Variants in SORCS3 observed in about 807,000 individuals in gnomAD.
SORCS3 encodes VPS10 domain-containing receptor SorCS3.
In SORCS3, 57 loss-of-function variants were observed where a neutral mutation model predicts 146.3. The observed-to-expected ratio is 0.39, with a 90% CI of 0.31 to 0.49. The LOEUF (loss-of-function observed/expected upper bound fraction) is 0.49, where lower values mean the gene tolerates loss of function less well. Among genes scored for constraint, SORCS3 ranks in the 20% least tolerant of loss-of-function variants. SORCS3 has a pLI of 0.92. For missense variants in SORCS3, 1,341 were observed against 1,575.5 expected, an observed-to-expected ratio of 0.85 and a Z score of 2.52; for synonymous variants, 653 against 618.5, an observed-to-expected ratio of 1.06 and a Z score of -0.83.
At chr10:104,874,826 A>G (rs1036765213) in intron 2 of SORCS3, among the ~76,000 whole-genome samples, 1 of 152,122 alleles carries the variant, frequency 6.6e-6, no homozygotes, top group Non-Finnish European at 1.5e-5. Context: ...CTTCTCTATC[A>G]ATATTAGAAA....
At chr10:104,799,890 A>G (rs1416246353) in intron 1 of SORCS3, among the ~76,000 whole-genome samples, 5 of 151,906 alleles carry the variant, frequency 3.3e-5, no homozygotes, top group Admixed American at 3.3e-4. Context: ...GTTAGCCAGG[A>G]TGGTCTTGAT....
intron 1 of SORCS3, among the ~76,000 whole-genome samples, chr10:104,669,127 G>T (rs1490332806): frequency 6.6e-6 from 1 of 151,932 alleles, no homozygotes; most frequent in African/African-American, 2.4e-5. Context: ...TATAGAAGGG[G>T]AAAGGGTAGT....
chr10:104,817,118 G>A (rs1384569317), intron 1 of SORCS3, among the ~76,000 whole-genome samples: 8 of 152,090 alleles, frequency 5.3e-5, no homozygotes, highest in Non-Finnish European at 7.4e-5. Context: ...ACTTGGAAGC[G>A]GTGGATCTAC....
At chr10:105,067,035 C>T (rs1389161488) in intron 5 of SORCS3, among the ~76,000 whole-genome samples, 1 of 152,170 alleles carries the variant, frequency 6.6e-6, no homozygotes, top group African/African-American at 2.4e-5. Context: ...CTCTTCCCAG[C>T]TGTTAGGGGT....
intron 7 of SORCS3, 36 bp from the exon 8 acceptor site, chr10:105,139,361 C>G (rs1042708485): frequency 1.9e-5 from 28 of 1,496,700 alleles, no homozygotes; most frequent in Non-Finnish European, 2.6e-5. Flanking sequence ...GATCTGTGGC[C>G]TCATCTGATC....
Position 105,202,077 on chromosome 10 carries a change from C to T in SORCS3, c.2261+824C>T, listed in dbSNP as rs577006052. Among the ~76,000 whole-genome samples, 3 of 152,276 alleles carry T rather than the reference C, an allele frequency of 2.0e-5. No individual in the cohort carries two copies. In the East Asian group the frequency reaches 5.8e-4, roughly 29 times the overall value. On this transcript the variant is annotated intron_variant, in intron 16 of 26. Coordinates refer to ENST00000369701, the MANE Select transcript of SORCS3 (RefSeq NM_014978.3). ...CAAATCACTTCTTTCCATCTCTCAG[C>T]TGTTTGTATCACTCCAGGAATCGAA...
intron 2 of SORCS3, among the ~76,000 whole-genome samples, chr10:104,895,049 A>C (rs77022062): frequency 2.0e-5 from 3 of 152,170 alleles, no homozygotes; most frequent in African/African-American, 4.8e-5. Flanking sequence ...GTGGGGCTCC[A>C]GTGTGGTATG....
chr10:104,932,125 T>C (rs1273199153), intron 3 of SORCS3, among the ~76,000 whole-genome samples: 5 of 152,174 alleles, frequency 3.3e-5, no homozygotes, highest in Non-Finnish European at 1.5e-5. Context: ...ATTCTATAGC[T>C]CAAAGGAGAT....
chr10:105,159,497 G>T (rs530472703), intron 11 of SORCS3, among the ~76,000 whole-genome samples: 32 of 152,166 alleles, frequency 2.1e-4, no homozygotes, highest in Non-Finnish European at 3.8e-4. Context: ...AAAACTTAAG[G>T]TTGCATTGTT....
intron 1 of SORCS3, among the ~76,000 whole-genome samples, chr10:104,838,257 G>C (rs933408098): frequency 2.0e-5 from 3 of 152,190 alleles, no homozygotes; most frequent in Admixed American, 2.0e-4. Flanking sequence ...TCCACCGACT[G>C]GGTTTCCGGA....
Position 105,188,872 on chromosome 10 carries a change from C to T in SORCS3, c.2009+10699C>T, listed in dbSNP as rs76793637. On this transcript the variant is annotated intron_variant, in intron 14 of 26. Coordinates refer to ENST00000369701, the MANE Select transcript of SORCS3 (RefSeq NM_014978.3). ...TTGAAGCTGGGTGAAAGGATTGAGT[C>T]GGGATTTGTGGTTACCTAGCAATGG... Among the ~76,000 whole-genome samples, 971 of 152,194 alleles carry T rather than the reference C, an allele frequency of 6.4e-3. 10 individuals are homozygous for T. Among genetic ancestry groups the T allele is most frequent in the African/African-American group, 0.023 (938 of 41,512 alleles).
intron 5 of SORCS3, among the ~76,000 whole-genome samples, chr10:105,076,631 T>C (rs1274260090): frequency 6.6e-6 from 1 of 152,162 alleles, no homozygotes; most frequent in Non-Finnish European, 1.5e-5. Flanking sequence ...TTGTGCCTCA[T>C]GTAGATGTTC....
chr10:104,879,710 G>C (rs1031622364), intron 2 of SORCS3, among the ~76,000 whole-genome samples: 3 of 152,166 alleles, frequency 2.0e-5, no homozygotes, highest in Admixed American at 6.5e-5. Context: ...TGAGCAAAAG[G>C]GGTTTCCGCT....
At chr10:104,864,510 G>A (rs1325628491) in intron 2 of SORCS3, among the ~76,000 whole-genome samples, 1 of 152,122 alleles carries the variant, frequency 6.6e-6, no homozygotes, top group African/African-American at 2.4e-5. Context: ...AGTGGTACCT[G>A]GTTAACAAAG....
Position 104,818,489 on chromosome 10 carries a change from G to A in SORCS3, c.628-24303G>A, listed in dbSNP as rs1443960457. Among the ~76,000 whole-genome samples, 9 of 151,666 alleles carry A rather than the reference G, an allele frequency of 5.9e-5. No individual in the cohort carries two copies. The South Asian group carries it at 6.3e-4, about 11-fold the overall frequency. ...GGCCCAAGGGGTGCCAGGTAGACTC[G>A]GGGAGAGGTGGATGGAGCCTCCCTT... On this transcript the variant is annotated intron_variant, in intron 1 of 26. Coordinates refer to ENST00000369701, the MANE Select transcript of SORCS3 (RefSeq NM_014978.3).
chr10:104,708,497 G>T (rs1387164874), intron 1 of SORCS3, among the ~76,000 whole-genome samples: 1 of 152,210 alleles, frequency 6.6e-6, no homozygotes, highest in African/African-American at 2.4e-5. Flanking sequence ...GGCCAAAGAA[G>T]TTGGTAAAGA....
rs145709045 is a variant in SORCS3 at position 104,909,517 on chromosome 10, G to T, written c.696-6316G>T. On this transcript the variant is annotated intron_variant, in intron 2 of 26. Transcript: ENST00000369701. ...CTTCTGACTGGTGAAAGATGCCAGGGTTAATGATCCTTAATTTTGCAGAGC... is the reference window on the plus strand; with the variant it reads ...CTTCTGACTGGTGAAAGATGCCAGGTTTAATGATCCTTAATTTTGCAGAGC... Among the ~76,000 whole-genome samples the T allele has an allele frequency of 2.9e-3, 447 of 152,266 alleles. 2 individuals are homozygous for T. The highest frequency in any genetic ancestry group is 0.018 in the South Asian group (89 of 4,816).
chr10:104,726,612 A>G (rs894642169), intron 1 of SORCS3, among the ~76,000 whole-genome samples: 30 of 151,846 alleles, frequency 2.0e-4, no homozygotes, highest in African/African-American at 6.5e-4. Context: ...ACACCTCTTT[A>G]TTCCTTTTCT....
chr10:104,972,997 T>C (rs960718138), intron 3 of SORCS3, among the ~76,000 whole-genome samples: 8 of 152,210 alleles, frequency 5.3e-5, no homozygotes, highest in Non-Finnish European at 1.2e-4. Flanking sequence ...TGGATTATAT[T>C]TATTGATTTG....
Sources: gnomAD v4.1 joint callset for allele counts (sites outside exome capture counted in the v4.1 genomes callset) on GRCh38, gnomAD v4.1.1 for gene constraint, MANE v1.5 for transcripts, NCBI Gene and HGNC (gene_info 2026-07-23, HGNC 2026-07-21) for gene names.